The following MCU variants were observed in gnomAD, a reference collection of about 807,000 sequenced individuals.
MCU encodes calcium uniporter protein, mitochondrial.
A neutral mutation model predicts 45.2 loss-of-function variants in MCU; 12 were observed. The observed-to-expected ratio is 0.27, with a 90% confidence interval of 0.17 to 0.43. MCU has a LOEUF of 0.43. MCU is among the 20% of genes least tolerant of loss of function. MCU has a pLI of 1.00. For missense variants in MCU, 324 were observed against 436.7 expected, an observed-to-expected ratio of 0.74 and a Z score of 2.30; for synonymous variants, 160 against 165.1, an observed-to-expected ratio of 0.97 and a Z score of 0.24.
intron 1 of MCU, among the ~76,000 whole-genome samples, chr10:72,773,003 A>G (rs994551638): frequency 6.6e-6 from 1 of 152,100 alleles, no homozygotes; most frequent in Non-Finnish European, 1.5e-5. Context: ...GGCTCAGGCA[A>G]TCCTCTCACC....
At position 72,797,340 on chromosome 10, in the gene MCU, C is replaced by T. The variant is rs113930789; in HGVS notation, c.151-37019C>T. On this transcript the variant is annotated intron_variant, in intron 1 of 7. Coordinates refer to ENST00000373053, the MANE Select transcript of MCU (RefSeq NM_138357.3). ...CTGGGTTCAAGCGATTCTCCTGCCT[C>T]AGCCTCCTGAGTAGCTGGGATTGCA... Among the ~76,000 whole-genome samples, 450 of 151,570 alleles carry T rather than the reference C, an allele frequency of 3.0e-3. 2 individuals are homozygous for T. Among genetic ancestry groups the T allele is most frequent in the Non-Finnish European group, 4.9e-3 (333 of 67,916 alleles).
intron 1 of MCU, among the ~76,000 whole-genome samples, chr10:72,760,255 T>C (rs1241272606): frequency 2.0e-5 from 3 of 152,088 alleles, no homozygotes; most frequent in Admixed American, 2.0e-4. Context: ...CTCACTATAT[T>C]GCTCAGGCTG....
intron 2 of MCU, among the ~76,000 whole-genome samples, chr10:72,843,589 G>A (rs902291912): frequency 2.0e-5 from 3 of 152,208 alleles, no homozygotes; most frequent in Non-Finnish European, 4.4e-5. Flanking sequence ...AGTTTTGGCA[G>A]TTATGAATAA....
intron 1 of MCU, among the ~76,000 whole-genome samples, chr10:72,766,294 A>G (rs1290371239): frequency 1.3e-5 from 2 of 152,088 alleles, no homozygotes; most frequent in Non-Finnish European, 2.9e-5. Context: ...ACAAGACTAG[A>G]TTTTCTTGAA....
At chr10:72,763,806 A>G (rs1380249168) in intron 1 of MCU, among the ~76,000 whole-genome samples, 1 of 152,140 alleles carries the variant, frequency 6.6e-6, no homozygotes, top group Non-Finnish European at 1.5e-5. Context: ...TATATAATTC[A>G]GCTGATTAAG....
At chr10:72,829,735 A>G (rs1317984383) in intron 1 of MCU, among the ~76,000 whole-genome samples, 4 of 152,104 alleles carry the variant, frequency 2.6e-5, no homozygotes, top group African/African-American at 9.7e-5. Flanking sequence ...GAATTATGGA[A>G]GAGTTTAGAA....
intron 1 of MCU, among the ~76,000 whole-genome samples, chr10:72,707,889 G>T (rs996022656): frequency 2.0e-5 from 3 of 151,682 alleles, no homozygotes; most frequent in Non-Finnish European, 4.4e-5. Context: ...GTCCAGACTG[G>T]TCTTGAACTC....
chr10:72,738,864 CT>C (rs1843286175), intron 1 of MCU, among the ~76,000 whole-genome samples: 1 of 152,142 alleles, frequency 6.6e-6, no homozygotes, highest in East Asian at 1.9e-4. Context: ...GGTTCTCTGA[CT>C]TTGTTCACAT....
intron 1 of MCU, among the ~76,000 whole-genome samples, chr10:72,717,108 T>C (rs1280689262): frequency 6.8e-6 from 1 of 147,754 alleles, no homozygotes; most frequent in Non-Finnish European, 1.5e-5. Flanking sequence ...CACAGTCTAT[T>C]TCCTTTCTCT....
intron 1 of MCU, among the ~76,000 whole-genome samples, chr10:72,698,370 C>G (rs909762945): frequency 5.3e-5 from 8 of 152,176 alleles, no homozygotes; most frequent in Admixed American, 6.5e-5. Context: ...TTGCTATCAA[C>G]TGCTAGGATG....
intron 1 of MCU, among the ~76,000 whole-genome samples, chr10:72,695,137 A>AGCTGTGCCTTTC (rs1380674406): frequency 6.6e-6 from 1 of 152,204 alleles, no homozygotes; most frequent in East Asian, 1.9e-4. Flanking sequence ...TGAGCTGTGT[A>AGCTGTGCCTTTC]ATTCCATTGC....
chr10:72,752,615 T>G (rs1285617347), intron 1 of MCU, among the ~76,000 whole-genome samples: 2 of 152,144 alleles, frequency 1.3e-5, no homozygotes, highest in Non-Finnish European at 2.9e-5. Flanking sequence ...CAAAGAGATA[T>G]GAAGGACAAT....
At chr10:72,859,474 T>C in intron 3 of MCU, 127 bp downstream of exon 3, 3 of 779,230 alleles carry the variant, frequency 3.8e-6, no homozygotes, top group Non-Finnish European at 5.9e-6. Flanking sequence ...GAAAACTTTT[T>C]TCTTTTGCTT....
At chr10:72,701,087 G>A (rs1280085427) in intron 1 of MCU, among the ~76,000 whole-genome samples, 4 of 152,162 alleles carry the variant, frequency 2.6e-5, no homozygotes, top group African/African-American at 4.8e-5. Context: ...GTAAGAGGAT[G>A]TTTAAGAGCA....
chr10:72,871,699 A>G, intron 6 of MCU, 119 bp downstream of exon 6: 1 of 769,280 alleles, frequency 1.3e-6, no homozygotes, highest in South Asian at 1.7e-5. Context: ...CTTTACACAT[A>G]CACACACATG....
At chr10:72,813,731 T>A (rs1355441675) in intron 1 of MCU, among the ~76,000 whole-genome samples, 2 of 152,140 alleles carry the variant, frequency 1.3e-5, no homozygotes, top group Non-Finnish European at 2.9e-5. Flanking sequence ...ATTGCTGGGA[T>A]TACAGGCGTG....
chr10:72,850,965 C>T (rs1564574349), intron 2 of MCU, among the ~76,000 whole-genome samples: 5 of 152,268 alleles, frequency 3.3e-5, no homozygotes, highest in Admixed American at 2.6e-4. Flanking sequence ...ATTGTGACTT[C>T]GCTACAGCCA....
intron 4 of MCU, among the ~76,000 whole-genome samples, chr10:72,863,766 C>T (rs185679853): frequency 3.3e-4 from 50 of 152,118 alleles, no homozygotes; most frequent in Non-Finnish European, 4.6e-4. Flanking sequence ...CAGGCACGTG[C>T]CACCATGCCT....
At chr10:72,711,933 C>T (rs374178425) in intron 1 of MCU, among the ~76,000 whole-genome samples, 1 of 151,106 alleles carries the variant, frequency 6.6e-6, no homozygotes, top group East Asian at 2.0e-4. Context: ...AGGATGGTCT[C>T]GATCTCCTGA....
Sources: gnomAD v4.1 joint callset for allele counts (sites outside exome capture counted in the v4.1 genomes callset) on GRCh38, gnomAD v4.1.1 for gene constraint, MANE v1.5 for transcripts, NCBI Gene and HGNC (gene_info 2026-07-23, HGNC 2026-07-21) for gene names.